SPECC1: variants seen among roughly 807,000 people sequenced by gnomAD.
The protein encoded by SPECC1 is cytospin-B.
Under a neutral mutation model 104.1 loss-of-function variants are expected in SPECC1, and 62 were observed. The observed-to-expected ratio is 0.60, with a 90% CI of 0.49 to 0.74. The LOEUF is 0.74. Ranked by LOEUF, SPECC1 falls within the 30% of genes least tolerant of loss-of-function variation. The pLI is 0.00. For synonymous variants in SPECC1, 513 were observed against 501.6 expected (o/e 1.02, Z -0.30); for missense variants, 1,306 against 1,310.5 (o/e 1.00, Z 0.05).
intron 1 of SPECC1, among the ~76,000 whole-genome samples, chr17:20,041,398 A>G (rs1222121698): frequency 1.3e-5 from 2 of 151,680 alleles, no homozygotes; most frequent in Non-Finnish European, 2.9e-5. Context: ...ATGTGCCACC[A>G]TGACTGGCTA....
intron 2 of SPECC1, among the ~76,000 whole-genome samples, chr17:20,105,328 C>G (rs907203498): frequency 3.9e-5 from 6 of 152,188 alleles, no homozygotes; most frequent in Non-Finnish European, 5.9e-5. Context: ...CTCCTGACCT[C>G]AAGTGATTGT....
At chr17:20,123,593 T>C (rs1419026780) in intron 3 of SPECC1, among the ~76,000 whole-genome samples, 1 of 152,202 alleles carries the variant, frequency 6.6e-6, no homozygotes. Flanking sequence ...AGGTAAGTAT[T>C]CTTATCCCCA....
At chr17:20,266,599 ATATT>A (rs1320523688) in intron 12 of SPECC1, among the ~76,000 whole-genome samples, 1 of 152,174 alleles carries the variant, frequency 6.6e-6, no homozygotes, top group Non-Finnish European at 1.5e-5. Context: ...ATATATATAT[ATATT>A]GTAGGTCCTG....
intron 3 of SPECC1, among the ~76,000 whole-genome samples, chr17:20,164,474 G>T (rs1483987237): frequency 6.6e-6 from 1 of 152,054 alleles, no homozygotes; most frequent in Non-Finnish European, 1.5e-5. Context: ...AATTTTTGGG[G>T]TTGTCTTCTC....
intron 3 of SPECC1, among the ~76,000 whole-genome samples, chr17:20,179,881 T>C (rs2034748160): frequency 6.6e-6 from 1 of 152,198 alleles, no homozygotes; most frequent in Admixed American, 6.5e-5. Context: ...AAAGTAAGAA[T>C]TCTTGGAAGG....
chr17:20,112,539 T>C, intron 3 of SPECC1: 2 of 779,890 alleles, frequency 2.6e-6, no homozygotes. Context: ...AACATTAACT[T>C]CAAAATGGCC....
chr17:20,185,461 C>G (rs1443097596), intron 3 of SPECC1, among the ~76,000 whole-genome samples: 1 of 152,240 alleles, frequency 6.6e-6, no homozygotes, highest in Non-Finnish European at 1.5e-5. Context: ...ACATGGTGCT[C>G]CAGCCCACAG....
At chr17:20,248,047 T>C (rs867465950) in intron 9 of SPECC1, among the ~76,000 whole-genome samples, 3 of 152,256 alleles carry the variant, frequency 2.0e-5, no homozygotes, top group African/African-American at 7.2e-5. Flanking sequence ...AGATCTAGGA[T>C]CAGCCTGGTG....
intron 12 of SPECC1, among the ~76,000 whole-genome samples, chr17:20,272,111 G>T (rs2040428566): frequency 6.6e-6 from 1 of 152,010 alleles, no homozygotes; most frequent in Admixed American, 6.6e-5. Context: ...ATCATGCTAG[G>T]CACTCACTGC....
chr17:20,156,664 A>G (rs919876139), intron 3 of SPECC1, among the ~76,000 whole-genome samples: 2 of 151,706 alleles, frequency 1.3e-5, no homozygotes, highest in African/African-American at 4.8e-5. Context: ...CCTCACACTC[A>G]CGCCAGGGCT....
intron 12 of SPECC1, among the ~76,000 whole-genome samples, chr17:20,265,044 G>A (rs1246876619): frequency 6.6e-6 from 1 of 152,134 alleles, no homozygotes; most frequent in Non-Finnish European, 1.5e-5. Flanking sequence ...GGGTACTTAG[G>A]TTGATTTTAT....
intron 1 of SPECC1, among the ~76,000 whole-genome samples, chr17:20,014,247 A>AT (rs1411256639): frequency 1.3e-5 from 2 of 152,094 alleles, no homozygotes; most frequent in African/African-American, 2.4e-5. Context: ...ATATCTAAAC[A>AT]TTTTTTTCTC....
At chr17:20,011,104 C>T (rs909784126) in intron 1 of SPECC1, among the ~76,000 whole-genome samples, 2 of 152,132 alleles carry the variant, frequency 1.3e-5, no homozygotes, top group African/African-American at 4.8e-5. Flanking sequence ...ATAGTTTACC[C>T]CATTTTTATC....
chr17:20,227,009 C>T (rs1295956397), intron 4 of SPECC1, among the ~76,000 whole-genome samples: 5 of 110,814 alleles, frequency 4.5e-5, no homozygotes, highest in Non-Finnish European at 9.8e-5. Flanking sequence ...CAGTGCCTCC[C>T]AGGGAAGCAC....
chr17:20,307,995 A>G (rs1348506762), intron 14 of SPECC1, among the ~76,000 whole-genome samples: 1 of 152,246 alleles, frequency 6.6e-6, no homozygotes, highest in Non-Finnish European at 1.5e-5. Flanking sequence ...AGACTAGAAG[A>G]GAAAATTCAC....
intron 7 of SPECC1, among the ~76,000 whole-genome samples, chr17:20,233,960 G>A (rs967594441): frequency 6.6e-5 from 10 of 152,176 alleles, no homozygotes; most frequent in African/African-American, 2.4e-4. Context: ...CCCTGAATAG[G>A]TTCTTGTATG....
chr17:20,301,409 ATT>A (rs559604892), intron 13 of SPECC1, among the ~76,000 whole-genome samples: 28 of 141,868 alleles, frequency 2.0e-4, no homozygotes, highest in African/African-American at 4.9e-4. Context: ...GTGCCAGGGC[ATT>A]TTTTTTTTTT....
intron 3 of SPECC1, among the ~76,000 whole-genome samples, chr17:20,182,119 C>CTTTTTTTTTTTTTTTTTTTTTTT (rs57991209): frequency 1.5e-5 from 2 of 136,578 alleles, no homozygotes; most frequent in African/African-American, 2.8e-5. Context: ...CTTTCTTTTT[C>CTTTTTTTTTTTTTTTTTTTTTTT]TTTTTTTTTT....
At chr17:20,013,159 G>A (rs1013733958) in intron 1 of SPECC1, among the ~76,000 whole-genome samples, 1 of 152,180 alleles carries the variant, frequency 6.6e-6, no homozygotes, top group Non-Finnish European at 1.5e-5. Flanking sequence ...ATGCTGCCAT[G>A]ATCATGGGTG....
Sources: allele counts gnomAD v4.1 joint callset (sites outside exome capture counted in the v4.1 genomes callset), GRCh38; gene constraint gnomAD v4.1.1; transcripts MANE v1.5; gene names NCBI Gene and HGNC (gene_info 2026-07-23, HGNC 2026-07-21).